The following BACH2 variants were observed in gnomAD, a reference collection of about 807,000 sequenced individuals.
The protein encoded by BACH2 is transcription regulator protein BACH2.
Under a neutral mutation model 61.8 loss-of-function variants are expected in BACH2, and 5 were observed. The ratio of observed to expected loss-of-function variants is 0.08; its 90% CI spans 0.04 to 0.17. BACH2 has a LOEUF of 0.17. Among genes scored for constraint, BACH2 ranks in the 10% least tolerant of loss-of-function variants. The pLI is 1.00. For missense variants in BACH2, 824 were observed against 1,091.1 expected (o/e 0.76, Z 3.45); for synonymous variants, 446 against 440.1 (o/e 1.01, Z -0.17).
intron 6 of BACH2, among the ~76,000 whole-genome samples, chr6:89,963,912 T>C (rs972386224): frequency 6.6e-6 from 1 of 152,196 alleles, no homozygotes; most frequent in Non-Finnish European, 1.5e-5. Flanking sequence ...CTAACATGGA[T>C]GAACCTTGAG....
At chr6:90,244,355 C>A (rs1770560706) in intron 3 of BACH2, among the ~76,000 whole-genome samples, 1 of 152,218 alleles carries the variant, frequency 6.6e-6, no homozygotes, top group African/African-American at 2.4e-5. Context: ...AATTAGCCAT[C>A]AAAATAACCC....
chr6:90,221,735 T>C (rs1410770573), intron 3 of BACH2, among the ~76,000 whole-genome samples: 1 of 152,128 alleles, frequency 6.6e-6, no homozygotes, highest in Non-Finnish European at 1.5e-5. Flanking sequence ...AGCAGGATTT[T>C]TGACACCTAA....
At chr6:90,133,291 G>T (rs1019443623) in intron 4 of BACH2, among the ~76,000 whole-genome samples, 25 of 152,136 alleles carry the variant, frequency 1.6e-4, no homozygotes, top group Admixed American at 6.5e-5. Context: ...TGAAATGCAA[G>T]AGTAAACTCA....
At chr6:90,245,902 T>A (rs1306216004) in intron 3 of BACH2, among the ~76,000 whole-genome samples, 1 of 152,126 alleles carries the variant, frequency 6.6e-6, no homozygotes, top group African/African-American at 2.4e-5. Flanking sequence ...TCTCCAAAGG[T>A]CTCCTGGCCC....
intron 4 of BACH2, among the ~76,000 whole-genome samples, chr6:90,105,332 A>C (rs1358408990): frequency 6.6e-6 from 1 of 152,248 alleles, no homozygotes; most frequent in African/African-American, 2.4e-5. Flanking sequence ...GGCTGCAGCC[A>C]AATACATCAG....
rs544706812 is a variant in BACH2, at chr6:90,000,169, T to A, written c.243+8433A>T. Among the ~76,000 whole-genome samples the A allele has an allele frequency of 5.9e-5, 9 of 152,318 alleles. No individual in the cohort carries two copies. The South Asian group carries it at 1.9e-3, about 32-fold the overall frequency. On this transcript the variant is annotated intron_variant, in intron 6 of 8. Transcript: ENST00000257749. ...CTCCCTCTGTATCAGCACCACAGCC[T>A]CCAGGGCTGGAGTCACAATAGTATT...
chr6:90,050,316 T>C (rs1162387309), intron 5 of BACH2, among the ~76,000 whole-genome samples: 2 of 152,250 alleles, frequency 1.3e-5, no homozygotes, highest in Admixed American at 1.3e-4. Flanking sequence ...AGTTCATTGA[T>C]ATGGCTTTAG....
chr6:90,057,789 C>T (rs1780450181), intron 5 of BACH2, among the ~76,000 whole-genome samples: 1 of 152,228 alleles, frequency 6.6e-6, no homozygotes, highest in Non-Finnish European at 1.5e-5. Flanking sequence ...ATCAAGTGGG[C>T]TTCATCCCTG....
At chr6:90,032,890 A>C (rs924100773) in intron 5 of BACH2, among the ~76,000 whole-genome samples, 4 of 152,194 alleles carry the variant, frequency 2.6e-5, no homozygotes, top group Admixed American at 6.5e-5. Context: ...TCATGCTGCT[A>C]TTAAGACACA....
At chr6:90,096,076 G>T (rs948575205) in intron 4 of BACH2, among the ~76,000 whole-genome samples, 1 of 152,186 alleles carries the variant, frequency 6.6e-6, no homozygotes, top group Admixed American at 6.5e-5. Context: ...ACTTTCCCAT[G>T]TGCCACCAGT....
chr6:89,942,781 C>T (rs957967710), intron 7 of BACH2, among the ~76,000 whole-genome samples: 3 of 152,218 alleles, frequency 2.0e-5, no homozygotes, highest in African/African-American at 7.2e-5. Flanking sequence ...AAGGGCCAAA[C>T]AGGGCACCAG....
chr6:90,291,290 C>T (rs1772168769), intron 1 of BACH2, among the ~76,000 whole-genome samples: 1 of 152,112 alleles, frequency 6.6e-6, no homozygotes, highest in East Asian at 1.9e-4. Flanking sequence ...AAAAAAATAG[C>T]TCAAGGAAAA....
At chr6:90,258,187 T>C (rs560950419) in intron 2 of BACH2, among the ~76,000 whole-genome samples, 3 of 152,364 alleles carry the variant, frequency 2.0e-5, no homozygotes, top group African/African-American at 4.8e-5. Flanking sequence ...GTAGGAGTTT[T>C]ATAGTTTCTG....
At chr6:90,085,339 G>A (rs775491068) in intron 5 of BACH2, among the ~76,000 whole-genome samples, 2 of 152,160 alleles carry the variant, frequency 1.3e-5, no homozygotes, top group Admixed American at 1.3e-4. Flanking sequence ...CTGCCTCCAT[G>A]TCCACCTCCG....
intron 6 of BACH2, among the ~76,000 whole-genome samples, chr6:90,006,212 C>G (rs1291703488): frequency 6.6e-6 from 1 of 152,220 alleles, no homozygotes; most frequent in Non-Finnish European, 1.5e-5. Flanking sequence ...ACCTGGGCAA[C>G]AGAGCAAGAC....
chr6:90,047,138 T>A (rs1175934338), intron 5 of BACH2, among the ~76,000 whole-genome samples: 2 of 152,196 alleles, frequency 1.3e-5, no homozygotes, highest in African/African-American at 4.8e-5. Context: ...GCCAGGCTGG[T>A]CTCGAACTCC....
At position 90,197,600 on chromosome 6, in the gene BACH2, C is replaced by A. The variant is rs538755846; in HGVS notation, c.-162+8969G>T. Among the ~76,000 whole-genome samples, 64 of 152,270 alleles carry A rather than the reference C, an allele frequency of 4.2e-4. 1 individual carries two copies. The highest frequency in any genetic ancestry group is 1.5e-3 in the African/African-American group (62 of 41,560). On this transcript the variant is annotated intron_variant, in intron 4 of 8. Transcript: ENST00000257749. ...CCTGGCCGTTGTTGTAGGAACCCAG[C>A]CATCACCAGTCACAAAGAAAAAGGC...
At chr6:89,937,619 T>G (rs1773106864) in intron 8 of BACH2, among the ~76,000 whole-genome samples, 1 of 152,162 alleles carries the variant, frequency 6.6e-6, no homozygotes, top group Non-Finnish European at 1.5e-5. Flanking sequence ...AACCTTCACT[T>G]CCCCTGCTCA....
intron 5 of BACH2, among the ~76,000 whole-genome samples, chr6:90,076,586 C>T (rs1428201280): frequency 6.6e-6 from 1 of 152,146 alleles, no homozygotes; most frequent in Non-Finnish European, 1.5e-5. Context: ...CTGCATGGTG[C>T]CAACAGCCCC....
Sources: allele counts gnomAD v4.1 joint callset (sites outside exome capture counted in the v4.1 genomes callset), GRCh38; gene constraint gnomAD v4.1.1; transcripts MANE v1.5; gene names NCBI Gene and HGNC (gene_info 2026-07-23, HGNC 2026-07-21).